RYR1: variants seen among roughly 807,000 people sequenced by gnomAD.
RYR1 encodes central core disease of muscle.
Under a neutral mutation model 583.5 loss-of-function variants are expected in RYR1, and 342 were observed. The ratio of observed to expected loss-of-function variants is 0.59; its 90% CI spans 0.54 to 0.64. RYR1 has a LOEUF of 0.64. RYR1 is among the 30% of genes least tolerant of loss of function. The pLI is 0.00. For synonymous variants in RYR1, 2,791 were observed against 2,822.5 expected, an observed-to-expected ratio of 0.99 and a Z score of 0.35; for missense variants, 6,032 against 6,917.2, an observed-to-expected ratio of 0.87 and a Z score of 4.54.
intron 30 of RYR1, 131 bp from the exon 31 acceptor site, chr19:38,478,304 A>G (rs1968843744): frequency 2.0e-6 from 2 of 981,454 alleles, no homozygotes; most frequent in South Asian, 1.4e-5. Context: ...TTCAGCTCTC[A>G]GGTCTGCAGG....
In RYR1 at chr19:38,450,779, A is replaced by G. The variant is rs546506644; in HGVS notation, c.1123-985A>G. On this transcript the variant is annotated intron_variant, in intron 11 of 105. Coordinates refer to ENST00000359596, the MANE Select transcript of RYR1 (RefSeq NM_000540.3). ...TTTCTGTACAACGTGGAAACAATAAATAAATAAATAACTAAATAAAGGGAA... is the reference window on the plus strand; with the variant it reads ...TTTCTGTACAACGTGGAAACAATAAGTAAATAAATAACTAAATAAAGGGAA... Among the ~76,000 whole-genome samples the G allele has an allele frequency of 4.6e-5, 7 of 151,754 alleles. No homozygotes were observed. The South Asian group carries it at 1.5e-3, about 32-fold the overall frequency.
intron 38 of RYR1, 103 bp downstream of exon 38, chr19:38,492,739 A>AGGGG: frequency 8.2e-7 from 1 of 1,216,560 alleles, no homozygotes; most frequent in Non-Finnish European, 1.2e-6. Context: ...GATGCAAGGG[A>AGGGG]GGGGTAGATA....
At chr19:38,435,043 G>T (rs923232590) in intron 1 of RYR1, among the ~76,000 whole-genome samples, 20 of 152,230 alleles carry the variant, frequency 1.3e-4, no homozygotes, top group African/African-American at 4.3e-4. Flanking sequence ...CATGGGTCGG[G>T]CCCTCCCCAG....
chr19:38,565,722 C>A lies in RYR1; in HGVS notation c.13388C>A (p.Ala4463Glu), dbSNP rs1350916629. ...GGGGACATGGGGGACACGACGCCTG[C>A]GGAACCGCCCACACCCGAGGGCTCT... ...GLGDMGDTTP[A>E]EPPTPEGSPI... Residue 4463 changes from alanine to glutamate, a missense_variant, in exon 91 of 106, where the codon GCG becomes GAG. By Grantham distance (107) the Ala-to-Glu change is moderately radical. Coordinates refer to ENST00000359596, the MANE Select transcript of RYR1 (RefSeq NM_000540.3). This position sits in a 1 kb window ranked among gnomAD's most constrained non-coding sequence, Gnocchi z 4.7. 1 of 1,429,448 alleles carries A rather than the reference C, an allele frequency of 7.0e-7. No individual in the cohort carries two copies. The highest frequency in any genetic ancestry group is 9.1e-7 in the Non-Finnish European group (1 of 1,099,574). 88.5% of individuals were successfully genotyped at this position (1,429,448 alleles called of 1,614,324 possible). A position where few individuals can be genotyped will look rare whatever the true frequency, so the allele number is the denominator to read the frequency against.
In RYR1 at chr19:38,496,365, A is replaced by AG. The variant is rs1969825375; in HGVS notation, c.6663+38dup. 4 of 1,613,554 alleles carry AG rather than the reference A, an allele frequency of 2.5e-6. No individual in the cohort carries two copies. In the South Asian group the frequency reaches 4.4e-5, roughly 18 times the overall value. On this transcript the variant is annotated intron_variant, in intron 40 of 105. Coordinates refer to ENST00000359596, the MANE Select transcript of RYR1 (RefSeq NM_000540.3). This position sits in a 1 kb window ranked among gnomAD's most constrained non-coding sequence, Gnocchi z 4.8. Reference sequence around the variant, plus strand: ...AGGCAGGTGCTGGGGAGCTCAGGGGAGGCAGCCACAGAGGGCAGGCCCTGA... The same window carrying AG: ...AGGCAGGTGCTGGGGAGCTCAGGGGAGGGCAGCCACAGAGGGCAGGCCCTGA...
In RYR1 at chr19:38,565,908, C is replaced by T. The variant is rs934838645; in HGVS notation, c.13437+137C>T. 18 of 1,041,780 alleles carry T rather than the reference C, an allele frequency of 1.7e-5. No homozygotes were observed. The Admixed American group carries it at 4.6e-4, about 27-fold the overall frequency. 64.5% of individuals were successfully genotyped at this position (1,041,780 alleles called of 1,614,324 possible). A position where few individuals can be genotyped will look rare whatever the true frequency, so the allele number is the denominator to read the frequency against. On this transcript the variant is annotated intron_variant, in intron 91 of 105. Coordinates refer to ENST00000359596, the MANE Select transcript of RYR1 (RefSeq NM_000540.3). The surrounding 1 kb of genome is among the most constrained non-coding windows in gnomAD (Gnocchi z 4.7). ...GGCACACGCACCCACGGAGGACGCA[C>T]CCATGGAGGACGCACACGGGGACAG... is the stretch of plus-strand genomic sequence containing the variant.
chr19:38,490,008 G>T, intron 35 of RYR1, 68 bp from the exon 36 acceptor site: 2 of 1,528,270 alleles, frequency 1.3e-6, no homozygotes, highest in South Asian at 2.2e-5. Context: ...GAGGAAGCAA[G>T]AGAAGTTTCA....
rs764397758 is a variant in RYR1, at chr19:38,467,779, T to C, written c.3348T>C (p.Ala1116=). 6 of 1,614,170 alleles carry C rather than the reference T, an allele frequency of 3.7e-6. No homozygotes were observed. Among genetic ancestry groups the C allele is most frequent in the Admixed American group, 3.3e-5 (2 of 60,022 alleles). ...TGAGGCCTGATGTAGAGCTGGGAGC[T>C]GACGAGCTGGCCTATGTCTTCAATG... The part of the protein sequence containing the change: ...PELRPDVELG[A]DELAYVFNGH... Residue 1116 remains alanine, a synonymous_variant, in exon 25 of 106, where the codon GCT becomes GCC. Transcript: ENST00000359596.
chr19:38,562,440 C>G (rs528711982), intron 90 of RYR1, among the ~76,000 whole-genome samples: 112 of 152,126 alleles, frequency 7.4e-4, no homozygotes, highest in African/African-American at 2.7e-3. Context: ...TGCACACACA[C>G]TTGCTTGTTG....
chr19:38,496,614 T>C lies in RYR1; in HGVS notation c.6796+73T>C. The C allele has an allele frequency of 6.4e-7, 1 of 1,570,856 alleles. No homozygotes were observed. The highest frequency in any genetic ancestry group is 8.7e-7 in the Non-Finnish European group (1 of 1,143,556). On this transcript the variant is annotated intron_variant, in intron 41 of 105. Transcript: ENST00000359596. The surrounding 1 kb of genome is among the most constrained non-coding windows in gnomAD (Gnocchi z 4.8). ...CACCCCGTCCAGGCCTGCCCCACTTTCCACCAGCTCACTCATTCAACAAAC... is the reference window on the plus strand; with the variant it reads ...CACCCCGTCCAGGCCTGCCCCACTTCCCACCAGCTCACTCATTCAACAAAC...
In RYR1 at chr19:38,456,169, G is replaced by A. The variant is rs546490136; in HGVS notation, c.1791+418G>A. On this transcript the variant is annotated intron_variant, in intron 16 of 105. Transcript: ENST00000359596. The stretch of plus-strand genomic sequence containing the variant: ...GTATTTTTTTTTTAGTAGAGACAGG[G>A]TTTCACAATGTTGGCCAGGATGGTC... 7.5e-5 allele frequency among the ~76,000 whole-genome samples: 11 copies of A among 146,640 alleles called. No homozygotes were observed. In the East Asian group the frequency reaches 1.4e-3, roughly 19 times the overall value.
chr19:38,515,497 T>C (rs1371639919), intron 64 of RYR1, among the ~76,000 whole-genome samples: 1 of 152,170 alleles, frequency 6.6e-6, no homozygotes, highest in African/African-American at 2.4e-5. Context: ...TCTGAAGTTA[T>C]TCAGATTTCA....
Position 38,505,906 on chromosome 19 carries a change from C to A in RYR1, c.8501C>A (p.Thr2834Lys), listed in dbSNP as rs555470100. The A allele has an allele frequency of 1.9e-6, 3 of 1,612,764 alleles. No individual in the cohort carries two copies. The African/African-American group carries it at 4.0e-5, about 22-fold the overall frequency. Reference protein sequence around the residue: ...EKAREGEEEKTEKKKTRKISQ... With the variant: ...EKAREGEEEKKEKKKTRKISQ... ...GCCAGGGAGGGTGAGGAGGAGAAGA[C>A]GGAAAAGAAAAAAACGCGGAAGATA... Residue 2834 changes from threonine (T) to lysine (K), a missense_variant, in exon 54 of 106, where the codon ACG becomes AAG. This residue lies in a region of RYR1 where 1,493 missense variants were observed against 1,715.5 expected (regional missense o/e 0.87). Transcript: ENST00000359596.
chr19:38,561,040 T>TA lies in RYR1; in HGVS notation c.12283-56dup, dbSNP rs550360145. 0.073 allele frequency: 83,992 copies of TA among 1,154,138 alleles called. 384 individuals carry two copies. Among genetic ancestry groups the TA allele is most frequent in the East Asian group, 0.095 (3,597 of 37,944 alleles). The allele number at this position is 1,154,138 out of a possible 1,614,324, so 71.5% of individuals were successfully genotyped here. On this transcript the variant is annotated intron_variant, in intron 89 of 105. Coordinates refer to ENST00000359596, the MANE Select transcript of RYR1 (RefSeq NM_000540.3). This position sits in a 1 kb window ranked among gnomAD's most constrained non-coding sequence, Gnocchi z 4.8. Reference sequence around the variant, plus strand: ...TGGGCGACACAGCGAGACCTTGTCTTAAAAAAAAAAAAAAAAAGAGAGAGA... The same window carrying TA: ...TGGGCGACACAGCGAGACCTTGTCTTAAAAAAAAAAAAAAAAAAGAGAGAGA...
Position 38,565,060 on chromosome 19 carries a change from C to T in RYR1, c.12726C>T (p.Phe4242=), listed in dbSNP as rs1599634067. ...LFVSFCEDTI[F]EMQIAAQISE... is the part of the protein sequence containing the mutation. ...TGAGTTTCTGCGAGGACACCATCTT[C>T]GAGATGCAGATCGCCGCGCAGATCT... Residue 4242 remains phenylalanine, a synonymous_variant, in exon 91 of 106, where the codon TTC becomes TTT. Transcript: ENST00000359596. This position sits in a 1 kb window ranked among gnomAD's most constrained non-coding sequence, Gnocchi z 4.7. 2 of 1,568,442 alleles carry T rather than the reference C, an allele frequency of 1.3e-6. No homozygotes were observed. The highest frequency in any genetic ancestry group is 1.7e-6 in the Non-Finnish European group (2 of 1,157,768).
chr19:38,516,664 G>A (rs189179589), intron 65 of RYR1, among the ~76,000 whole-genome samples: 1 of 152,290 alleles, frequency 6.6e-6, no homozygotes, highest in Non-Finnish European at 1.5e-5. Flanking sequence ...CAAGCTTGGA[G>A]ACATAGGGTG....
In RYR1 at chr19:38,537,964, A is replaced by C; in HGVS notation, c.11689+4A>C. 4 of 958,484 alleles carry C rather than the reference A, an allele frequency of 4.2e-6. No homozygotes were observed. The highest frequency in any genetic ancestry group is 6.3e-6 in the Non-Finnish European group (4 of 633,558). 59.4% of individuals were successfully genotyped at this position (958,484 alleles called of 1,614,324 possible). ...CTCTGTGAGGGGCACAATAATGGTG[A>C]GGAGGAGGGGTGTGGGGTGGAGGGG... On this transcript the variant is annotated splice_donor_region_variant and intron_variant, in intron 84 of 105. Coordinates refer to ENST00000359596, the MANE Select transcript of RYR1 (RefSeq NM_000540.3).
At chr19:38,528,051 G>A in intron 73 of RYR1, 2 of 618,474 alleles carry the variant, frequency 3.2e-6, no homozygotes, top group Non-Finnish European at 5.7e-6. Flanking sequence ...TTTGTGGGCA[G>A]GGCCTTGGGT....
In RYR1 at chr19:38,496,897, C is replaced by T; in HGVS notation, c.6834C>T (p.Ala2278=). The change falls in exon 42 of 106, where the codon GCC becomes GCT. Residue 2278 remains alanine (A), a synonymous_variant. Transcript: ENST00000359596. This position sits in a 1 kb window ranked among gnomAD's most constrained non-coding sequence, Gnocchi z 4.8. The part of the protein sequence containing the change: ...QGSTPLDVAA[A]SVIDNNELAL... ...CCACGCCCCTGGACGTGGCTGCTGC[C>T]TCCGTCATTGACAACAATGAGCTGG... is the stretch of plus-strand genomic sequence containing the variant. The T allele has an allele frequency of 1.2e-6, 2 of 1,613,538 alleles. No homozygotes were observed. The highest frequency in any genetic ancestry group is 1.7e-6 in the Non-Finnish European group (2 of 1,180,020).
Sources: gnomAD v4.1 joint callset for allele counts (sites outside exome capture counted in the v4.1 genomes callset) on GRCh38, gnomAD v4.1.1 for gene constraint, gnomAD v4.1.1 regional missense constraint, Gnocchi (gnomAD v3.1) non-coding constraint, MANE v1.5 for transcripts, NCBI Gene and HGNC (gene_info 2026-07-23, HGNC 2026-07-21) for gene names.